Variants in MARVELD3 observed in about 807,000 individuals in gnomAD.
MARVELD3 encodes MARVEL domain containing 3.
Under a neutral mutation model 33.5 loss-of-function variants are expected in MARVELD3, and 28 were observed. The observed-to-expected ratio is 0.84, with a 90% CI of 0.62 to 1.15. The LOEUF is 1.15. Among genes scored for constraint, MARVELD3 ranks in the 50% most tolerant of loss-of-function variants. MARVELD3 has a pLI of 0.00. For synonymous variants in MARVELD3, 241 were observed against 230.4 expected (o/e 1.05, Z -0.42); for missense variants, 582 against 547.6 (o/e 1.06, Z -0.63).
chr16:71,635,085 T>G lies in MARVELD3; in HGVS notation c.*282T>G. The G allele has an allele frequency of 9.4e-7, 1 of 1,065,084 alleles. No individual in the cohort carries two copies. Among genetic ancestry groups the G allele is most frequent in the South Asian group, 3.2e-5 (1 of 31,340 alleles). 66.0% of individuals were successfully genotyped at this position (1,065,084 alleles called of 1,614,324 possible). ...GCTCACACCTGTAACCCCAGCACTTTGGGAGGCTGAGGTGGGTGGATCACT... is the reference window on the plus strand; with the variant it reads ...GCTCACACCTGTAACCCCAGCACTTGGGGAGGCTGAGGTGGGTGGATCACT... On this transcript the variant is annotated 3_prime_UTR_variant, in exon 3 of 3. Coordinates refer to ENST00000268485, the MANE Select transcript of MARVELD3 (RefSeq NM_052858.6).
intron 2 of MARVELD3, among the ~76,000 whole-genome samples, chr16:71,630,061 G>A (rs2044517629): frequency 6.8e-6 from 1 of 146,886 alleles, no homozygotes; most frequent in Admixed American, 6.9e-5. Flanking sequence ...GGGCAACATA[G>A]CAATACCCCA....
intron 1 of MARVELD3, among the ~76,000 whole-genome samples, chr16:71,627,216 C>G (rs561001998): frequency 6.6e-6 from 1 of 152,344 alleles, no homozygotes; most frequent in East Asian, 1.9e-4. Context: ...CCTTCAGAAA[C>G]AGGTGGGCCG....
At chr16:71,629,604 G>T in intron 2 of MARVELD3, 110 bp downstream of exon 2, 1 of 809,524 alleles carries the variant, frequency 1.2e-6, no homozygotes, top group Non-Finnish European at 1.8e-6. Flanking sequence ...TGGGTTCCTA[G>T]CATTTTCATT....
rs551455140 is a variant in MARVELD3, at chr16:71,634,805, G to A, written c.*2G>A. ...CCAGCAGAAATGTTTGAATTTTAAG[G>A]GTTTCTAAAACGCTCTGACAGATGC... On this transcript the variant is annotated 3_prime_UTR_variant, in exon 3 of 3. Transcript: ENST00000268485. The A allele has an allele frequency of 3.1e-6, 5 of 1,588,698 alleles. No homozygotes were observed. In the Admixed American group the frequency reaches 5.5e-5, roughly 17 times the overall value.
intron 1 of MARVELD3, among the ~76,000 whole-genome samples, chr16:71,628,763 C>T (rs2044499748): frequency 6.6e-6 from 1 of 151,992 alleles, no homozygotes; most frequent in Admixed American, 6.6e-5. Context: ...CTAAGAGAGA[C>T]ATGATGTTCT....
downstream of MARVELD3, chr16:71,640,811 G>C (rs752452674): frequency 9.3e-6 from 15 of 1,614,120 alleles, no homozygotes; most frequent in Admixed American, 2.5e-4. Flanking sequence ...CAAGAGAGAG[G>C]CTCTATGCCC....
rs2044575866 is a variant in MARVELD3, at chr16:71,635,598, C to A, written c.*795C>A. 2 of 984,032 alleles carry A rather than the reference C, an allele frequency of 2.0e-6. No individual in the cohort carries two copies. The allele number at this position is 984,032 out of a possible 1,614,324, so 61.0% of individuals were successfully genotyped here. On this transcript the variant is annotated 3_prime_UTR_variant, in exon 3 of 3. Coordinates refer to ENST00000268485, the MANE Select transcript of MARVELD3 (RefSeq NM_052858.6). ...CTCTAGCCTGAGCAACAGACCAAGA[C>A]CGTATTGCCAAAATACCAAAAAAAA...
rs747153309 is a variant in MARVELD3, at chr16:71,626,335, G to C, written c.106G>C (p.Asp36His). Residue 36 changes from aspartate to histidine, a missense_variant, in exon 1 of 3, where the codon GAC becomes CAC. Transcript: ENST00000268485. The surrounding 1 kb of genome is among the most constrained non-coding windows in gnomAD (Gnocchi z 5.3). ...AGGCCGCACCCACGATCGACCGCGGGACCGACCCGGGGACCCGCGCAGGAA... is the reference window on the plus strand; with the variant it reads ...AGGCCGCACCCACGATCGACCGCGGCACCGACCCGGGGACCCGCGCAGGAA... Reference protein sequence around the residue: ...DQGRTHDRPRDRPGDPRRKRS... With the variant: ...DQGRTHDRPRHRPGDPRRKRS... 3.3e-5 allele frequency: 51 copies of C among 1,548,264 alleles called. No individual in the cohort carries two copies. Among genetic ancestry groups the C allele is most frequent in the Admixed American group, 1.6e-4 (8 of 51,008 alleles).
chr16:71,628,671 G>A (rs997018052), intron 1 of MARVELD3, among the ~76,000 whole-genome samples: 1 of 152,088 alleles, frequency 6.6e-6, no homozygotes, highest in African/African-American at 2.4e-5. Context: ...CAGTATGGCT[G>A]GGTCTGCGAG....
chr16:71,633,136 G>A lies in MARVELD3; in HGVS notation c.596-1057G>A, dbSNP rs548394978. Among the ~76,000 whole-genome samples the A allele has an allele frequency of 7.2e-5, 11 of 152,036 alleles. No homozygotes were observed. The South Asian group carries it at 1.7e-3, about 23-fold the overall frequency. ...CCAGCACTTTGGGAGGCCAAGGCAG[G>A]AGGATCGCCTGAAGCAAGGAATTTG... On this transcript the variant is annotated intron_variant, in intron 2 of 2. Coordinates refer to ENST00000268485, the MANE Select transcript of MARVELD3 (RefSeq NM_052858.6).
downstream of MARVELD3, among the ~76,000 whole-genome samples, chr16:71,637,154 C>A (rs1365751801): frequency 2.0e-5 from 3 of 152,148 alleles, no homozygotes; most frequent in African/African-American, 7.2e-5. Context: ...TATTCCCTGG[C>A]CATATTCCTT....
chr16:71,641,745 C>T (rs1241009832), exon 3 of MARVELD3: 1 of 151,962 alleles, frequency 6.6e-6, no homozygotes, highest in Non-Finnish European at 1.5e-5. Flanking sequence ...CAGAGCGAGG[C>T]TCTGTCTCAA....
chr16:71,641,026 G>A (rs1299242051), downstream of MARVELD3: 1 of 1,596,068 alleles, frequency 6.3e-7, no homozygotes, highest in South Asian at 1.1e-5. Context: ...GGAACTCTTT[G>A]AGATCTTCCG....
downstream of MARVELD3, chr16:71,640,281 G>A (rs1005684892): frequency 2.7e-6 from 3 of 1,101,872 alleles, no homozygotes; most frequent in Admixed American, 2.4e-5. Context: ...AAAAAAAAAA[G>A]TTGACATTGA....
rs1425785050 is a variant in MARVELD3, at chr16:71,635,454, C to T, written c.*651C>T. 1.0e-6 allele frequency: 1 copy of T among 984,146 alleles called. No individual in the cohort carries two copies. Among genetic ancestry groups the T allele is most frequent in the Non-Finnish European group, 1.2e-6 (1 of 829,746 alleles). The allele number at this position is 984,146 out of a possible 1,614,324, so 61.0% of individuals were successfully genotyped here. On this transcript the variant is annotated 3_prime_UTR_variant, in exon 3 of 3. Coordinates refer to ENST00000268485, the MANE Select transcript of MARVELD3 (RefSeq NM_052858.6). ...AAGAGAATTTGATGAACCTTACCTT[C>T]AAAGTTCCTGGGCACAGTGGCTCAC...
chr16:71,637,275 A>C (rs2044587561), downstream of MARVELD3, among the ~76,000 whole-genome samples: 1 of 152,216 alleles, frequency 6.6e-6, no homozygotes, highest in Non-Finnish European at 1.5e-5. Context: ...CCTAACAGAT[A>C]GATGCTGCCT....
chr16:71,629,141 C>T (rs1473977294), intron 1 of MARVELD3: 3 of 473,916 alleles, frequency 6.3e-6, no homozygotes, highest in Middle Eastern at 5.2e-4. Context: ...AAACCATCAG[C>T]GGTACCAATC....
downstream of MARVELD3, chr16:71,638,449 G>A (rs2044595688): frequency 6.6e-6 from 1 of 152,500 alleles, no homozygotes; most frequent in South Asian, 2.1e-4. Flanking sequence ...TTACTTTTGT[G>A]GAAAAATGCA....
chr16:71,637,063 T>C (rs2044586307), downstream of MARVELD3, among the ~76,000 whole-genome samples: 1 of 152,180 alleles, frequency 6.6e-6, no homozygotes, highest in Admixed American at 6.5e-5. Context: ...CTTTCTGCAC[T>C]AAAAGCATGC....
Sources: gnomAD v4.1 joint callset for allele counts (sites outside exome capture counted in the v4.1 genomes callset) on GRCh38, gnomAD v4.1.1 for gene constraint, Gnocchi (gnomAD v3.1) non-coding constraint, MANE v1.5 for transcripts, NCBI Gene and HGNC (gene_info 2026-07-23, HGNC 2026-07-21) for gene names.